Variants in MCF2L observed in about 807,000 individuals in gnomAD.
MCF2L encodes the protein guanine nucleotide exchange factor DBS.
A neutral mutation model predicts 153.4 loss-of-function variants in MCF2L; 97 were observed. The observed-to-expected ratio is 0.63, with a 90% CI of 0.54 to 0.75. MCF2L has a LOEUF of 0.75. Ranked by LOEUF, MCF2L falls within the 30% of genes least tolerant of loss-of-function variation. The pLI is 0.00. For missense variants in MCF2L, 1,347 were observed against 1,495.2 expected (o/e 0.90, Z 1.64); for synonymous variants, 659 against 632.2 (o/e 1.04, Z -0.64).
intron 4 of MCF2L, among the ~76,000 whole-genome samples, chr13:113,051,624 C>T (rs2141620604): frequency 6.6e-6 from 1 of 152,308 alleles, no homozygotes; most frequent in East Asian, 1.9e-4. Flanking sequence ...CTAAAGACCT[C>T]GGAGGCGACA....
chr13:112,915,810 G>A (rs145786363), intron 2 of MCF2L, among the ~76,000 whole-genome samples: 2 of 152,196 alleles, frequency 1.3e-5, no homozygotes, highest in Non-Finnish European at 2.9e-5. Flanking sequence ...GTTTGGTGAT[G>A]CTGCCTTCTG....
intron 15 of MCF2L, among the ~76,000 whole-genome samples, chr13:113,079,349 G>C (rs181743956): frequency 2.0e-5 from 3 of 152,094 alleles, no homozygotes; most frequent in Admixed American, 6.5e-5. Context: ...CACCCATGAG[G>C]CACACGCGGC....
At chr13:112,911,523 G>A (rs1594311471) in intron 2 of MCF2L, among the ~76,000 whole-genome samples, 4 of 152,300 alleles carry the variant, frequency 2.6e-5, no homozygotes, top group Admixed American at 2.0e-4. Flanking sequence ...GGAATGGCCC[G>A]CCCACCATGC....
intron 23 of MCF2L, among the ~76,000 whole-genome samples, chr13:113,088,003 G>A (rs182649045): frequency 1.3e-5 from 2 of 152,336 alleles, no homozygotes; most frequent in Admixed American, 1.3e-4. Flanking sequence ...GGGGTGCTGC[G>A]AGGAAACGGG....
rs1328115244 is a variant in MCF2L, at chr13:113,012,349, C to T, written c.80-2414C>T. ...GTGGACGGTGGACAGGCAGTGTGGACGGTGGACACTGTGATGCGGACGGTG... is the reference window on the plus strand; with the variant it reads ...GTGGACGGTGGACAGGCAGTGTGGATGGTGGACACTGTGATGCGGACGGTG... On this transcript the variant is annotated intron_variant, in intron 1 of 29. Coordinates refer to ENST00000535094, the MANE Select transcript of MCF2L (RefSeq NM_001112732.3). 1.2e-3 allele frequency among the ~76,000 whole-genome samples: 103 copies of T among 84,916 alleles called. 9 individuals carry two copies. Among genetic ancestry groups the T allele is most frequent in the African/African-American group, 4.0e-3 (92 of 23,224 alleles). 55.7% of individuals were successfully genotyped at this position (84,916 alleles called of 152,430 possible).
At chr13:113,096,244 G>A (rs2035641889) in intron 27 of MCF2L, 127 bp from the exon 28 acceptor site, 7 of 710,940 alleles carry the variant, frequency 9.8e-6, no homozygotes, top group Non-Finnish European at 1.7e-5. Context: ...CCCTTCCCCG[G>A]AGCTGGTCGT....
chr13:113,078,304 C>T, intron 13 of MCF2L, 59 bp from the exon 14 acceptor site: 1 of 1,393,698 alleles, frequency 7.2e-7, no homozygotes, highest in Non-Finnish European at 1.0e-6. Context: ...GCTGGGTGCA[C>T]TTCCCCTCTC....
chr13:112,954,939 C>T (rs2081739249), intron 2 of MCF2L, among the ~76,000 whole-genome samples: 1 of 152,216 alleles, frequency 6.6e-6, no homozygotes, highest in East Asian at 1.9e-4. Context: ...GTCACGATGG[C>T]TGTGGCTGCA....
rs60429762 is a variant in MCF2L at position 113,082,525 on chromosome 13, C to A, written c.1974C>A (p.Ile658=). ...TTTTGTTTGGAAACATGGAGGAAAT[C>A]TATCACTTCCACAACAGGTGGGCCC... ...KDVLFGNMEE[I]YHFHNRIFLR... The change falls in exon 17 of 30, where the codon ATC becomes ATA. Residue 658 remains isoleucine, a synonymous_variant. Transcript: ENST00000535094. 5.0e-6 allele frequency: 8 copies of A among 1,612,540 alleles called. No individual in the cohort carries two copies. The highest frequency in any genetic ancestry group is 6.8e-6 in the Non-Finnish European group (8 of 1,178,766).
intron 2 of MCF2L, among the ~76,000 whole-genome samples, chr13:112,936,444 C>T (rs566055840): frequency 9.9e-4 from 150 of 152,276 alleles, no homozygotes; most frequent in Middle Eastern, 3.4e-3. Flanking sequence ...CCTAATCACC[C>T]TCTGCCGTCT....
At chr13:113,038,983 G>A (rs1010109653) in intron 3 of MCF2L, among the ~76,000 whole-genome samples, 26 of 152,078 alleles carry the variant, frequency 1.7e-4, no homozygotes, top group African/African-American at 5.6e-4. Context: ...TTAGCCTCCC[G>A]CATAGCTGGG....
intron 1 of MCF2L, among the ~76,000 whole-genome samples, chr13:112,975,696 G>A (rs2082189961): frequency 6.6e-6 from 1 of 152,212 alleles, no homozygotes; most frequent in African/African-American, 2.4e-5. Flanking sequence ...AGTTAGGTGT[G>A]TGACCGCACT....
At chr13:113,013,444 A>G (rs1359984104) in intron 1 of MCF2L, among the ~76,000 whole-genome samples, 1 of 152,168 alleles carries the variant, frequency 6.6e-6, no homozygotes, top group Non-Finnish European at 1.5e-5. Context: ...AAGCAGTCCC[A>G]TAGCTGGCAG....
chr13:112,943,109 G>A lies in MCF2L; in HGVS notation c.169+40738G>A, dbSNP rs942754371. 3.3e-5 allele frequency among the ~76,000 whole-genome samples: 5 copies of A among 152,094 alleles called. No homozygotes were observed. Among genetic ancestry groups the A allele is most frequent in the African/African-American group, 1.2e-4 (5 of 41,448 alleles). On this transcript the variant is annotated intron_variant, in intron 2 of 29. Coordinates refer to the MCF2L transcript ENST00000375608. The surrounding 1 kb of genome is among the most constrained non-coding windows in gnomAD (Gnocchi z 4.2). ...CTAGCAAAAACCTGGTAAACTTTGA[G>A]GTGAAGGCTGTCAGAAACAGCTGCG...
intron 2 of MCF2L, among the ~76,000 whole-genome samples, chr13:113,019,770 G>A (rs9604011): frequency 0.023 from 3,539 of 152,276 alleles, 138 homozygotes; most frequent in African/African-American, 0.081. Context: ...GAGCTCCCAG[G>A]TGGGATCAGA....
intron 1 of MCF2L, among the ~76,000 whole-genome samples, chr13:113,012,974 G>A (rs1210697833): frequency 6.6e-6 from 1 of 151,470 alleles, no homozygotes; most frequent in Non-Finnish European, 1.5e-5. Flanking sequence ...CGGTGGACAG[G>A]CGGTGTGGAC....
chr13:112,905,244 A>T (rs1363756535), intron 2 of MCF2L, among the ~76,000 whole-genome samples: 2 of 152,128 alleles, frequency 1.3e-5, no homozygotes, highest in African/African-American at 2.4e-5. Context: ...TTTATCCCTA[A>T]CGCAGCCAGT....
At chr13:112,973,219 T>C (rs546378612) in intron 1 of MCF2L, among the ~76,000 whole-genome samples, 3 of 152,278 alleles carry the variant, frequency 2.0e-5, no homozygotes, top group African/African-American at 7.2e-5. Context: ...GCCTCAGTGA[T>C]TGGCGTCTCC....
At chr13:112,912,758 G>C (rs1206467320) in intron 2 of MCF2L, among the ~76,000 whole-genome samples, 1 of 151,184 alleles carries the variant, frequency 6.6e-6, no homozygotes, top group African/African-American at 2.5e-5. Flanking sequence ...TTGTGTGGCT[G>C]TGTGTGTGTC....
Sources: gnomAD v4.1 joint callset for allele counts (sites outside exome capture counted in the v4.1 genomes callset) on GRCh38, gnomAD v4.1.1 for gene constraint, Gnocchi (gnomAD v3.1) non-coding constraint, MANE v1.5 for transcripts, NCBI Gene and HGNC (gene_info 2026-07-23, HGNC 2026-07-21) for gene names.